CNNM1: variants seen among roughly 807,000 people sequenced by gnomAD.
CNNM1 encodes the protein metal transporter CNNM1.
CNNM1 carries 44 observed loss-of-function variants against 78.8 expected under a neutral mutation model. The observed-to-expected ratio is 0.56, with a 90% CI of 0.44 to 0.72. The LOEUF is 0.72. Among genes scored for constraint, CNNM1 ranks in the 30% least tolerant of loss-of-function variants. CNNM1 has a pLI of 0.00. For synonymous variants in CNNM1, 584 were observed against 581.5 expected (o/e 1.00, Z -0.06); for missense variants, 1,101 against 1,292.2 (o/e 0.85, Z 2.27).
intron 2 of CNNM1, among the ~76,000 whole-genome samples, chr10:99,359,302 A>G (rs1379987098): frequency 1.3e-5 from 2 of 152,158 alleles, no homozygotes; most frequent in Non-Finnish European, 2.9e-5. Flanking sequence ...CACTAGTGAG[A>G]GCGAAAGAGC....
chr10:99,372,560 C>G (rs952646443), intron 6 of CNNM1, among the ~76,000 whole-genome samples: 1 of 152,310 alleles, frequency 6.6e-6, no homozygotes, highest in South Asian at 2.1e-4. Flanking sequence ...CTTCACTCCC[C>G]CAAGCTGTGC....
chr10:99,338,298 T>C (rs1421615231), intron 1 of CNNM1, among the ~76,000 whole-genome samples: 2 of 74,438 alleles, frequency 2.7e-5, no homozygotes, highest in African/African-American at 1.3e-4. Flanking sequence ...AGGTGGCATT[T>C]TTTTTTTTTT....
chr10:99,342,910 T>G (rs2030516927), intron 1 of CNNM1, among the ~76,000 whole-genome samples: 1 of 152,092 alleles, frequency 6.6e-6, no homozygotes, highest in African/African-American at 2.4e-5. Flanking sequence ...AGCATAAAAT[T>G]TTAGAGCCAG....
intron 3 of CNNM1, 60 bp downstream of exon 3, chr10:99,361,035 A>T (rs919222880): frequency 6.7e-7 from 1 of 1,495,526 alleles, no homozygotes; most frequent in Non-Finnish European, 9.0e-7. Context: ...GGACCCAGGC[A>T]CCAATCGTTG....
At chr10:99,332,342 A>C (rs572553561) in intron 1 of CNNM1, among the ~76,000 whole-genome samples, 1 of 152,350 alleles carries the variant, frequency 6.6e-6, no homozygotes, top group South Asian at 2.1e-4. Flanking sequence ...CCTTGACTTC[A>C]GATTCAGCCT....
chr10:99,381,426 G>A (rs2032151843), intron 7 of CNNM1, among the ~76,000 whole-genome samples: 2 of 141,880 alleles, frequency 1.4e-5, no homozygotes, highest in Admixed American at 7.1e-5. Context: ...AAAAAAAAAA[G>A]GAAAAAAAAG....
At chr10:99,332,685 G>A (rs2029973060) in intron 1 of CNNM1, among the ~76,000 whole-genome samples, 1 of 152,156 alleles carries the variant, frequency 6.6e-6, no homozygotes, top group Non-Finnish European at 1.5e-5. Flanking sequence ...ATATTAAAAT[G>A]TAGCCTGGAA....
rs760853356 is a variant in CNNM1 at position 99,387,830 on chromosome 10, A to C, written c.2351A>C (p.Gln784Pro). Residue 784 changes from glutamine (Q) to proline (P), a missense_variant, in exon 8 of 11, where the codon CAG becomes CCG. Physicochemically the swap from Gln to Pro is moderately conservative, Grantham distance 76. Around this residue, in one of 3 missense-constraint regions of CNNM1, gnomAD observed 348 missense variants for 384.5 expected, o/e 0.90. Coordinates refer to ENST00000356713, the MANE Select transcript of CNNM1 (RefSeq NM_020348.3). ...SDVQFVKITR[Q>P]QYQNALTACH... ...CCCTCTTCCTTCCAGATCACACGGCAGCAATATCAGAACGCACTCACTGCC... is the reference window on the plus strand; with the variant it reads ...CCCTCTTCCTTCCAGATCACACGGCCGCAATATCAGAACGCACTCACTGCC... 6.2e-7 allele frequency: 1 copy of C among 1,600,770 alleles called. No homozygotes were observed. Among genetic ancestry groups the C allele is most frequent in the African/African-American group, 1.3e-5 (1 of 74,720 alleles).
chr10:99,388,512 G>A (rs1031657085), intron 9 of CNNM1, among the ~76,000 whole-genome samples: 2 of 152,230 alleles, frequency 1.3e-5, no homozygotes, highest in Admixed American at 1.3e-4. Flanking sequence ...GGAAAACTGT[G>A]TAGGGCAGTA....
rs929455822 is a variant in CNNM1, at chr10:99,381,880, T to A, written c.2340+4662T>A. ...TTGATTTTCTCTTTTCTTTTTTTTT[T>A]AATATAAGATTCTGCCTTAGATTAA... On this transcript the variant is annotated intron_variant, in intron 7 of 10. Coordinates refer to ENST00000356713, the MANE Select transcript of CNNM1 (RefSeq NM_020348.3). Among the ~76,000 whole-genome samples the A allele has an allele frequency of 3.9e-5, 6 of 152,172 alleles. No homozygotes were observed. The South Asian group carries it at 1.2e-3, about 32-fold the overall frequency.
chr10:99,377,002 C>G, intron 6 of CNNM1, 53 bp from the exon 7 acceptor site: 1 of 757,472 alleles, frequency 1.3e-6, no homozygotes, highest in Non-Finnish European at 2.1e-6. Flanking sequence ...CCTCCCCCTT[C>G]TTCCTCCCCA....
chr10:99,330,844 T>C lies in CNNM1; in HGVS notation c.1457T>C (p.Phe486Ser). ...VDILFVKDLAFVDPDDCTPLL... is the reference protein window; with the variant it reads ...VDILFVKDLASVDPDDCTPLL... The stretch of plus-strand genomic sequence containing the variant: ...ATTTTATTTGTCAAGGACTTGGCCT[T>C]CGTGGACCCCGACGACTGCACCCCG... The change falls in exon 1 of 11, where the codon TTC becomes TCC. Residue 486 changes from phenylalanine (F) to serine (S), a missense_variant. Transcript: ENST00000356713. 1 of 1,614,118 alleles carries C rather than the reference T, an allele frequency of 6.2e-7. No individual in the cohort carries two copies. The highest frequency in any genetic ancestry group is 8.5e-7 in the Non-Finnish European group (1 of 1,180,032).
intron 1 of CNNM1, among the ~76,000 whole-genome samples, chr10:99,334,742 G>A (rs77155022): frequency 0.011 from 1,606 of 152,160 alleles, 35 homozygotes; most frequent in African/African-American, 0.037. Context: ...CTCAAGTAAC[G>A]TAACCACCAA....
intron 7 of CNNM1, among the ~76,000 whole-genome samples, chr10:99,384,857 G>A (rs560073287): frequency 2.0e-5 from 3 of 151,998 alleles, no homozygotes; most frequent in South Asian, 4.2e-4. Context: ...ACCTGAGGTC[G>A]GTAGTTCAAA....
At chr10:99,369,405 C>T (rs560287501) in intron 6 of CNNM1, among the ~76,000 whole-genome samples, 18 of 152,276 alleles carry the variant, frequency 1.2e-4, no homozygotes, top group Admixed American at 9.8e-4. Flanking sequence ...AGTCCAATTT[C>T]CTCTACCCTC....
intron 3 of CNNM1, 147 bp downstream of exon 3, chr10:99,361,122 A>G (rs1040920865): frequency 3.8e-5 from 31 of 809,596 alleles, no homozygotes; most frequent in Non-Finnish European, 5.4e-5. Flanking sequence ...TGCCTTAGAC[A>G]GGGTAATGGA....
chr10:99,355,555 A>T (rs1157011075), intron 1 of CNNM1, among the ~76,000 whole-genome samples: 1 of 152,192 alleles, frequency 6.6e-6, no homozygotes, highest in African/African-American at 2.4e-5. Flanking sequence ...AACCAACCAG[A>T]TTTTTATTTT....
chr10:99,357,392 G>A (rs2031259411), intron 1 of CNNM1, 120 bp from the exon 2 acceptor site: 2 of 834,342 alleles, frequency 2.4e-6, no homozygotes, highest in Non-Finnish European at 3.5e-6. Flanking sequence ...ATTTTAAGGA[G>A]GTCCAGGGAT....
At chr10:99,346,847 C>A (rs2030716716) in intron 1 of CNNM1, among the ~76,000 whole-genome samples, 1 of 151,798 alleles carries the variant, frequency 6.6e-6, no homozygotes, top group Admixed American at 6.6e-5. Context: ...TGGGCTCAAG[C>A]AATCCTCCTG....
Sources: allele counts gnomAD v4.1 joint callset (sites outside exome capture counted in the v4.1 genomes callset), GRCh38; gene constraint gnomAD v4.1.1; regional missense constraint gnomAD v4.1.1; transcripts MANE v1.5; gene names NCBI Gene and HGNC (gene_info 2026-07-23, HGNC 2026-07-21).